Variants in BBS9 observed in about 807,000 individuals in gnomAD.
BBS9 encodes protein PTHB1.
BBS9 carries 89 observed loss-of-function variants against 117.7 expected under a neutral mutation model. The observed-to-expected ratio is 0.76, with a 90% confidence interval of 0.64 to 0.90. BBS9 has a LOEUF of 0.90. BBS9 is among the 40% of genes least tolerant of loss of function. The pLI is 0.00. For synonymous variants in BBS9, 379 were observed against 370.9 expected (o/e 1.02, Z -0.25); for missense variants, 982 against 1,042.2 (o/e 0.94, Z 0.80).
chr7:33,633,299 G>C (rs972595676), intron 21 of BBS9, among the ~76,000 whole-genome samples: 88 of 123,442 alleles, frequency 7.1e-4, no homozygotes, highest in African/African-American at 2.0e-3. Flanking sequence ...AATATTCTAA[G>C]AAAAGACTTA....
At chr7:33,240,144 T>C (rs2128281337) in intron 5 of BBS9, among the ~76,000 whole-genome samples, 1 of 152,330 alleles carries the variant, frequency 6.6e-6, no homozygotes, top group Middle Eastern at 3.4e-3. Flanking sequence ...TTTTAGACTA[T>C]TTATTTCCTT....
chr7:33,371,262 T>G (rs1822813948), intron 17 of BBS9, among the ~76,000 whole-genome samples: 1 of 152,192 alleles, frequency 6.6e-6, no homozygotes, highest in South Asian at 2.1e-4. Flanking sequence ...CACAGAACTT[T>G]AGAAAATAAT....
intron 5 of BBS9, among the ~76,000 whole-genome samples, chr7:33,200,366 A>G (rs1010849846): frequency 1.3e-5 from 2 of 152,132 alleles, no homozygotes; most frequent in African/African-American, 4.8e-5. Flanking sequence ...TACATTGTCC[A>G]AGTTGATAAT....
intron 21 of BBS9, among the ~76,000 whole-genome samples, chr7:33,599,771 G>C (rs1863504144): frequency 6.6e-6 from 1 of 152,098 alleles, no homozygotes; most frequent in South Asian, 2.1e-4. Flanking sequence ...TTGTAATAGG[G>C]CTCAATAATA....
chr7:33,239,285 C>A (rs1260546578), intron 5 of BBS9, among the ~76,000 whole-genome samples: 1 of 152,152 alleles, frequency 6.6e-6, no homozygotes, highest in African/African-American at 2.4e-5. Flanking sequence ...TAAACTTTCT[C>A]ATTTAATCCT....
At chr7:33,152,994 G>A (rs1308118280) in intron 3 of BBS9, 143 bp downstream of exon 3, 1 of 886,228 alleles carries the variant, frequency 1.1e-6, no homozygotes, top group Admixed American at 2.4e-5. Flanking sequence ...CTCACGTATG[G>A]AATGCTTTTT....
chr7:33,294,305 CTATCTATCTATCTATCTATCT>C (rs1804743634), intron 9 of BBS9, among the ~76,000 whole-genome samples: 1 of 87,694 alleles, frequency 1.1e-5, no homozygotes, highest in African/African-American at 6.0e-5. Context: ...ATCTATCTAT[CTATCTATCTATCTATCTATCT>C]ATCTATCTAT....
At chr7:33,492,213 ACAAAAAAAAAAC>A (rs1844047362) in intron 19 of BBS9, among the ~76,000 whole-genome samples, 1 of 144,116 alleles carries the variant, frequency 6.9e-6, no homozygotes, top group African/African-American at 2.8e-5. Context: ...GAAAAAAAAA[ACAAAAAAAAAAC>A]AAAAAAAAAA....
intron 19 of BBS9, among the ~76,000 whole-genome samples, chr7:33,416,794 A>G (rs1280028053): frequency 1.3e-5 from 2 of 152,196 alleles, no homozygotes; most frequent in Non-Finnish European, 2.9e-5. Flanking sequence ...ACATGGAGGC[A>G]GTGGAGGAGG....
At chr7:33,535,532 T>A (rs1851234364) in intron 21 of BBS9, among the ~76,000 whole-genome samples, 1 of 152,190 alleles carries the variant, frequency 6.6e-6, no homozygotes, top group African/African-American at 2.4e-5. Flanking sequence ...ATAGAAATGC[T>A]TTTCTATAGA....
chr7:33,429,550 G>A (rs1029113135), intron 19 of BBS9, among the ~76,000 whole-genome samples: 9 of 152,108 alleles, frequency 5.9e-5, no homozygotes, highest in African/African-American at 2.2e-4. Flanking sequence ...CATTGGTTTA[G>A]GAAACAGCTA....
intron 21 of BBS9, among the ~76,000 whole-genome samples, chr7:33,612,179 C>T (rs1045274944): frequency 6.6e-6 from 1 of 151,816 alleles, no homozygotes; most frequent in Non-Finnish European, 1.5e-5. Flanking sequence ...TTTACTAAGT[C>T]TTTTGGGATA....
intron 19 of BBS9, among the ~76,000 whole-genome samples, chr7:33,403,506 CT>C (rs2128797420): frequency 7.3e-6 from 1 of 137,422 alleles, no homozygotes; most frequent in East Asian, 2.3e-4. Flanking sequence ...TGATATTCCC[CT>C]TCCTGTGTCC....
At chr7:33,372,032 G>C (rs991945586) in intron 17 of BBS9, among the ~76,000 whole-genome samples, 2 of 152,240 alleles carry the variant, frequency 1.3e-5, no homozygotes, top group East Asian at 3.9e-4. Flanking sequence ...AAAATTAATG[G>C]GTTCACCTGA....
intron 5 of BBS9, among the ~76,000 whole-genome samples, chr7:33,223,683 CTT>C (rs138070128): frequency 2.0e-5 from 3 of 147,812 alleles, no homozygotes; most frequent in Admixed American, 6.8e-5. Context: ...TAAAATTTGT[CTT>C]TTTTTTTTTC....
chr7:33,483,637 G>T (rs568528830), intron 19 of BBS9, among the ~76,000 whole-genome samples: 2 of 103,600 alleles, frequency 1.9e-5, no homozygotes, highest in African/African-American at 1.1e-4. Flanking sequence ...GATCTCAACA[G>T]ATTTTTTTTT....
intron 5 of BBS9, among the ~76,000 whole-genome samples, chr7:33,243,429 T>TA (rs553735368): frequency 2.4e-4 from 36 of 152,328 alleles, no homozygotes; most frequent in Non-Finnish European, 4.9e-4. Context: ...TGATAGAGAA[T>TA]AGTAAAAGCC....
intron 5 of BBS9, among the ~76,000 whole-genome samples, chr7:33,216,139 G>A (rs1338650611): frequency 6.6e-6 from 1 of 152,186 alleles, no homozygotes; most frequent in African/African-American, 2.4e-5. Flanking sequence ...TCTGACACTA[G>A]GCCACTGGGC....
intron 5 of BBS9, among the ~76,000 whole-genome samples, chr7:33,194,229 G>A (rs1368488062): frequency 6.6e-6 from 1 of 152,022 alleles, no homozygotes; most frequent in African/African-American, 2.4e-5. Context: ...TCCCCTTCCT[G>A]GATTTGTCTT....
Sources: gnomAD v4.1 joint callset for allele counts (sites outside exome capture counted in the v4.1 genomes callset) on GRCh38, gnomAD v4.1.1 for gene constraint, MANE v1.5 for transcripts, NCBI Gene and HGNC (gene_info 2026-07-23, HGNC 2026-07-21) for gene names.